The following SMAD6 variants were observed in gnomAD, a reference collection of about 807,000 sequenced individuals.
SMAD6 encodes the protein SMAD family member 6, also known as MAD homolog 6.
Under a neutral mutation model 39.4 loss-of-function variants are expected in SMAD6, and 103 were observed. The ratio of observed to expected loss-of-function variants is 2.62; its 90% CI spans 2.23 to 3.08. The LOEUF is 3.08. Ranked by LOEUF, SMAD6 falls within the 30% of genes most tolerant of loss-of-function variation. The pLI is 0.00. For synonymous variants in SMAD6, 445 were observed against 353.3 expected, an observed-to-expected ratio of 1.26 and a Z score of -2.91; for missense variants, 1,104 against 742.9, an observed-to-expected ratio of 1.49 and a Z score of -5.65.
intron 3 of SMAD6, among the ~76,000 whole-genome samples, chr15:66,745,498 C>T (rs564171641): frequency 3.3e-4 from 51 of 152,318 alleles, no homozygotes; most frequent in African/African-American, 1.2e-3. Context: ...AACTCCCCTT[C>T]CCCACGGGTC....
chr15:66,740,877 C>A (rs1413577946), intron 3 of SMAD6: 2 of 152,186 alleles, frequency 1.3e-5, no homozygotes, highest in African/African-American at 4.8e-5. Flanking sequence ...CCACCTACAC[C>A]TCATGACTTT....
chr15:66,732,500 C>T (rs1422354055), intron 3 of SMAD6, among the ~76,000 whole-genome samples: 1 of 152,020 alleles, frequency 6.6e-6, no homozygotes, highest in Non-Finnish European at 1.5e-5. Context: ...ACAGCTGTGT[C>T]CCACTGTATC....
At position 66,702,397 on chromosome 15, in the gene SMAD6, G is replaced by A. The variant is rs1050098913; in HGVS notation, c.-862G>A. ...GGCGCTGCCTCGCCAGACCTCGCTG[G>A]GACCCCGGGGCCACCGGGAGGCACT... On this transcript the variant is annotated 5_prime_UTR_variant, in exon 1 of 4. Coordinates refer to ENST00000288840, the MANE Select transcript of SMAD6 (RefSeq NM_005585.5). 1 of 151,766 alleles carries A rather than the reference G, an allele frequency of 6.6e-6. No individual in the cohort carries two copies. Among genetic ancestry groups the A allele is most frequent in the Non-Finnish European group, 1.5e-5 (1 of 67,898 alleles). The allele number at this position is 151,766 out of a possible 1,614,324, so 9.4% of individuals were successfully genotyped here.
chr15:66,734,939 A>G (rs893085877), intron 3 of SMAD6, among the ~76,000 whole-genome samples: 2 of 152,226 alleles, frequency 1.3e-5, no homozygotes, highest in African/African-American at 2.4e-5. Flanking sequence ...AGCAGGTTCC[A>G]TGGCATGGTA....
Position 66,781,194 on chromosome 15 carries a change from C to T in SMAD6, c.1150C>T (p.Arg384Cys), listed in dbSNP as rs781223749. The T allele has an allele frequency of 1.9e-6, 3 of 1,608,012 alleles. No homozygotes were observed. The highest frequency in any genetic ancestry group is 2.2e-5 in the East Asian group (1 of 44,880). The change falls in exon 4 of 4, where the codon CGC (arginine) becomes TGC (cysteine). Residue 384 changes from arginine to cysteine, a missense_variant. Physicochemically the swap from Arg to Cys is radical, Grantham distance 180 (BLOSUM62 -3). Coordinates refer to ENST00000288840, the MANE Select transcript of SMAD6 (RefSeq NM_005585.5). ...EQRSESVRRT[R>C]SKIGFGILLS... is the part of the protein sequence containing the mutation. Reference sequence around the variant, plus strand: ...GCGCAGCGAGTCGGTGCGGCGAACGCGCAGCAAGATCGGCTTCGGCATCCT... The same window carrying T: ...GCGCAGCGAGTCGGTGCGGCGAACGTGCAGCAAGATCGGCTTCGGCATCCT...
intron 3 of SMAD6, among the ~76,000 whole-genome samples, chr15:66,753,337 G>A (rs1171031920): frequency 6.6e-6 from 1 of 152,206 alleles, no homozygotes; most frequent in Non-Finnish European, 1.5e-5. Context: ...CACCCCAGTC[G>A]CAGGGATCTG....
At chr15:66,725,010 A>C (rs1033907474) in intron 3 of SMAD6, among the ~76,000 whole-genome samples, 3 of 152,140 alleles carry the variant, frequency 2.0e-5, no homozygotes, top group African/African-American at 7.2e-5. Context: ...GCCGGGCTCT[A>C]GGGTCCCCCT....
chr15:66,764,841 T>C (rs1250691097), intron 3 of SMAD6, among the ~76,000 whole-genome samples: 1 of 152,240 alleles, frequency 6.6e-6, no homozygotes, highest in Non-Finnish European at 1.5e-5. Context: ...TCAGCATTGT[T>C]GCTGACATCA....
chr15:66,775,683 G>T (rs1179198169), intron 3 of SMAD6, among the ~76,000 whole-genome samples: 5 of 152,182 alleles, frequency 3.3e-5, no homozygotes, highest in Non-Finnish European at 7.3e-5. Context: ...CTGAGCAGGG[G>T]GTAGTGAGCG....
In SMAD6 at chr15:66,747,985, C is replaced by T. The variant is rs1399402480; in HGVS notation, c.952+31487C>T. ...GGGGCGCACACAGCCACCCCCACGC[C>T]CTAACTTGCCCCATTGTAGCCAGAC... On this transcript the variant is annotated intron_variant, in intron 3 of 3. Coordinates refer to ENST00000288840, the MANE Select transcript of SMAD6 (RefSeq NM_005585.5). This position sits in a 1 kb window ranked among gnomAD's most constrained non-coding sequence, Gnocchi z 4.5. 2.6e-5 allele frequency among the ~76,000 whole-genome samples: 4 copies of T among 152,174 alleles called. No individual in the cohort carries two copies. The highest frequency in any genetic ancestry group is 5.9e-5 in the Non-Finnish European group (4 of 68,034).
intron 3 of SMAD6, among the ~76,000 whole-genome samples, chr15:66,746,911 T>C (rs887424333): frequency 3.3e-5 from 5 of 152,148 alleles, no homozygotes; most frequent in African/African-American, 1.2e-4. Context: ...GGGGGAATAA[T>C]TGAATCCCCC....
chr15:66,711,986 T>C (rs1255656507), intron 2 of SMAD6, among the ~76,000 whole-genome samples: 1 of 152,222 alleles, frequency 6.6e-6, no homozygotes, highest in Non-Finnish European at 1.5e-5. Context: ...TTTTTAAACA[T>C]GGGCCTGTCG....
At position 66,738,753 on chromosome 15, in the gene SMAD6, A is replaced by G. The variant is rs539339684; in HGVS notation, c.952+22255A>G. 9.4e-4 allele frequency among the ~76,000 whole-genome samples: 143 copies of G among 152,188 alleles called. 1 individual carries two copies. Among genetic ancestry groups the G allele is most frequent in the African/African-American group, 3.2e-3 (134 of 41,556 alleles). On this transcript the variant is annotated intron_variant, in intron 3 of 3. Coordinates refer to ENST00000288840, the MANE Select transcript of SMAD6 (RefSeq NM_005585.5). ...TGTGGGAGTGGCTGTGTCGGGGGCC[A>G]GAGAGCGGGTTCTGATGGGTGGGCT...
Position 66,711,660 on chromosome 15 carries a change from T to C in SMAD6, c.818-8T>C, listed in dbSNP as rs774834039. On this transcript the variant is annotated splice_region_variant and splice_polypyrimidine_tract_variant and intron_variant, in intron 1 of 3. Transcript: ENST00000288840. ...CCTGGCAGTGACATGCTGTCTCCTGTCTTCCAGAATCTCCGCCACCTCCCT... is the reference window on the plus strand; with the variant it reads ...CCTGGCAGTGACATGCTGTCTCCTGCCTTCCAGAATCTCCGCCACCTCCCT... 24 of 1,613,070 alleles carry C rather than the reference T, an allele frequency of 1.5e-5. No homozygotes were observed. The East Asian group carries it at 5.3e-4, about 36-fold the overall frequency.
chr15:66,705,866 GAGCTCCAC>G (rs1893100534), intron 1 of SMAD6: 1 of 152,286 alleles, frequency 6.6e-6, no homozygotes, highest in Non-Finnish European at 1.5e-5. Flanking sequence ...TGGCATGCAG[GAGCTCCAC>G]AGCTCCAACC....
intron 3 of SMAD6, among the ~76,000 whole-genome samples, chr15:66,731,742 G>A (rs956055380): frequency 6.6e-6 from 1 of 152,138 alleles, no homozygotes; most frequent in African/African-American, 2.4e-5. Context: ...TAAACGCCTA[G>A]GAGTAGGATT....
At chr15:66,724,692 G>A (rs1893491193) in intron 3 of SMAD6, among the ~76,000 whole-genome samples, 1 of 152,202 alleles carries the variant, frequency 6.6e-6, no homozygotes, top group South Asian at 2.1e-4. Flanking sequence ...GGGCTTCTGT[G>A]TCCCTGGGTA....
intron 3 of SMAD6, among the ~76,000 whole-genome samples, chr15:66,772,995 C>T (rs1253691481): frequency 6.6e-6 from 1 of 152,210 alleles, no homozygotes; most frequent in East Asian, 1.9e-4. Flanking sequence ...CACTCCCTGT[C>T]TTAGGGGCAT....
At chr15:66,716,643 A>G (rs374403421) in intron 3 of SMAD6, 145 bp downstream of exon 3, 50 of 697,678 alleles carry the variant, frequency 7.2e-5, no homozygotes, top group Admixed American at 2.0e-4. Flanking sequence ...AAGGTTGCCA[A>G]TGTTTCAGTC....
Sources: allele counts gnomAD v4.1 joint callset (sites outside exome capture counted in the v4.1 genomes callset), GRCh38; gene constraint gnomAD v4.1.1; non-coding constraint Gnocchi (gnomAD v3.1); transcripts MANE v1.5; gene names NCBI Gene and HGNC (gene_info 2026-07-23, HGNC 2026-07-21).